The following CCSER1 variants were observed in gnomAD, a reference collection of about 807,000 sequenced individuals.
The protein encoded by CCSER1 is serine-rich coiled-coil domain-containing protein 1.
A neutral mutation model predicts 82.0 loss-of-function variants in CCSER1; 41 were observed. That is an observed-to-expected ratio of 0.50 (90% CI 0.39 to 0.65). The LOEUF is 0.65. CCSER1 is among the 30% of genes least tolerant of loss of function. The pLI, the probability that CCSER1 is intolerant of heterozygous loss-of-function variation, is 0.00. For missense variants in CCSER1, 1,119 were observed against 1,064.2 expected (o/e 1.05, Z -0.72); for synonymous variants, 414 against 383.9 (o/e 1.08, Z -0.92).
chr4:90,502,836 A>C (rs1312190284), intron 5 of CCSER1, among the ~76,000 whole-genome samples: 1 of 152,218 alleles, frequency 6.6e-6, no homozygotes, highest in Admixed American at 6.5e-5. Context: ...GACTATAGCC[A>C]GAACAAATAG....
In CCSER1 at chr4:90,127,593, ATGAC is replaced by A. The variant is rs1351166954; in HGVS notation, c.-273_-270del. On this transcript the variant is annotated 5_prime_UTR_variant, in exon 1 of 11. An upstream open reading frame in the 5' UTR loses its in-frame stop. Transcript: ENST00000509176. ...CCTCTCTCTCTCTCTCTGTCTCAACATGACTGACTGGGAAGCGGTGGCTCGGGCA... is the reference window on the plus strand; with the variant it reads ...CCTCTCTCTCTCTCTCTGTCTCAACATGACTGGGAAGCGGTGGCTCGGGCA... 6.5e-6 allele frequency: 1 copy of A among 152,844 alleles called. No individual in the cohort carries two copies. Among genetic ancestry groups the A allele is most frequent in the Non-Finnish European group, 1.5e-5 (1 of 68,542 alleles). 9.5% of individuals were successfully genotyped at this position (152,844 alleles called of 1,614,324 possible). A position where few individuals can be genotyped will look rare whatever the true frequency, so the allele number is the denominator to read the frequency against.
intron 5 of CCSER1, among the ~76,000 whole-genome samples, chr4:90,609,449 A>G (rs1465068759): frequency 6.6e-6 from 1 of 150,438 alleles, no homozygotes; most frequent in Non-Finnish European, 1.5e-5. Flanking sequence ...TATCAATAAT[A>G]CACAAAAAAG....
chr4:90,140,657 CTTTTTTT>C (rs34194245), intron 1 of CCSER1, among the ~76,000 whole-genome samples: 1 of 63,602 alleles, frequency 1.6e-5, no homozygotes, highest in African/African-American at 6.8e-5. Context: ...TTTTGGTCTA[CTTTTTTT>C]TTTTTTTTTT....
intron 10 of CCSER1, among the ~76,000 whole-genome samples, chr4:91,107,625 C>T (rs1581570387): frequency 7.0e-6 from 1 of 142,920 alleles, no homozygotes; most frequent in Non-Finnish European, 1.5e-5. Context: ...AAGAAAAAGG[C>T]ATTTTCTTTT....
At chr4:91,498,392 A>G (rs944581338) in intron 10 of CCSER1, among the ~76,000 whole-genome samples, 1 of 151,692 alleles carries the variant, frequency 6.6e-6, no homozygotes, top group Non-Finnish European at 1.5e-5. Flanking sequence ...CTCTAATAAG[A>G]GAAAATGGTG....
Position 90,653,679 on chromosome 4 carries a change from T to A in CCSER1, c.1932+25447T>A, listed in dbSNP as rs138410077. ...CCTATTTTATATAACTTGAGGCACC[T>A]TGATGCTTCATTTTTCACAAATTGT... is the stretch of plus-strand genomic sequence containing the variant. On this transcript the variant is annotated intron_variant, in intron 6 of 10. Coordinates refer to ENST00000509176, the MANE Select transcript of CCSER1 (RefSeq NM_001145065.2). Among the ~76,000 whole-genome samples, 4 of 152,300 alleles carry A rather than the reference T, an allele frequency of 2.6e-5. 1 individual carries two copies. The highest frequency in any genetic ancestry group is 2.6e-4 in the Admixed American group (4 of 15,284).
At chr4:90,872,354 T>C (rs1766638431) in intron 8 of CCSER1, among the ~76,000 whole-genome samples, 1 of 151,904 alleles carries the variant, frequency 6.6e-6, no homozygotes, top group African/African-American at 2.4e-5. Flanking sequence ...TTATTATTTG[T>C]GTATCGATTG....
intron 10 of CCSER1, among the ~76,000 whole-genome samples, chr4:91,588,925 G>A (rs540110894): frequency 1.3e-5 from 2 of 151,668 alleles, no homozygotes; most frequent in African/African-American, 2.4e-5. Context: ...CTATCTTAAT[G>A]TACATTTACA....
At chr4:90,165,724 G>A (rs1730335576) in intron 1 of CCSER1, among the ~76,000 whole-genome samples, 1 of 152,034 alleles carries the variant, frequency 6.6e-6, no homozygotes, top group Non-Finnish European at 1.5e-5. Flanking sequence ...TAATCTGAGA[G>A]TTGTTTTAAC....
At chr4:90,512,415 A>G (rs1227666638) in intron 5 of CCSER1, among the ~76,000 whole-genome samples, 6 of 152,094 alleles carry the variant, frequency 3.9e-5, no homozygotes, top group Non-Finnish European at 7.4e-5. Flanking sequence ...AATCAATATA[A>G]CATGTGTTAG....
chr4:91,021,304 A>G (rs1032833376), intron 9 of CCSER1, among the ~76,000 whole-genome samples: 1 of 152,130 alleles, frequency 6.6e-6, no homozygotes, highest in Non-Finnish European at 1.5e-5. Context: ...GATAATATAT[A>G]TGATAAAAAA....
chr4:90,444,382 T>C (rs1760336623), intron 4 of CCSER1, among the ~76,000 whole-genome samples: 1 of 152,088 alleles, frequency 6.6e-6, no homozygotes, highest in African/African-American at 2.4e-5. Context: ...GCATTGACCC[T>C]GTGCCACCTC....
intron 10 of CCSER1, among the ~76,000 whole-genome samples, chr4:91,183,880 T>G (rs1020887058): frequency 6.6e-6 from 1 of 152,200 alleles, no homozygotes; most frequent in Admixed American, 6.5e-5. Flanking sequence ...GAAAGCAGAT[T>G]ACTCATGGCA....
At chr4:90,490,652 T>C (rs2153604455) in intron 5 of CCSER1, among the ~76,000 whole-genome samples, 1 of 152,350 alleles carries the variant, frequency 6.6e-6, no homozygotes, top group East Asian at 1.9e-4. Flanking sequence ...TTTATGGTTT[T>C]ATGTCTAACA....
intron 1 of CCSER1, among the ~76,000 whole-genome samples, chr4:90,138,805 A>C (rs982456204): frequency 2.6e-5 from 4 of 152,134 alleles, no homozygotes; most frequent in Non-Finnish European, 4.4e-5. Context: ...TGCACCCATT[A>C]ACTCCATGTT....
chr4:90,229,046 T>C (rs1038724720), intron 1 of CCSER1, among the ~76,000 whole-genome samples: 3 of 152,184 alleles, frequency 2.0e-5, no homozygotes, highest in African/African-American at 7.2e-5. Context: ...GAAAACACTC[T>C]GCAGGATGTC....
At chr4:90,489,138 T>G (rs1767571404) in intron 5 of CCSER1, among the ~76,000 whole-genome samples, 1 of 152,170 alleles carries the variant, frequency 6.6e-6, no homozygotes, top group Non-Finnish European at 1.5e-5. Context: ...ACAAAAGCCA[T>G]TTTTCAACTT....
At chr4:90,893,584 G>A (rs1171665741) in intron 8 of CCSER1, among the ~76,000 whole-genome samples, 1 of 151,994 alleles carries the variant, frequency 6.6e-6, no homozygotes, top group East Asian at 1.9e-4. Flanking sequence ...CTAAGCTGTG[G>A]CCACCCATTC....
At chr4:90,820,352 A>G (rs1444987753) in intron 8 of CCSER1, among the ~76,000 whole-genome samples, 1 of 152,208 alleles carries the variant, frequency 6.6e-6, no homozygotes, top group Non-Finnish European at 1.5e-5. Flanking sequence ...AAACAGAAAT[A>G]TATTTCTCAT....
Sources: allele counts gnomAD v4.1 joint callset (sites outside exome capture counted in the v4.1 genomes callset), GRCh38; gene constraint gnomAD v4.1.1; transcripts MANE v1.5; gene names NCBI Gene and HGNC (gene_info 2026-07-23, HGNC 2026-07-21).